XKR9: variants seen among roughly 807,000 people sequenced by gnomAD.
XKR9 encodes XK-related protein 9.
Under a neutral mutation model 32.0 loss-of-function variants are expected in XKR9, and 32 were observed. That is an observed-to-expected ratio of 1.00 (90% CI 0.76 to 1.34). XKR9 has a LOEUF of 1.34. Ranked by LOEUF, XKR9 falls within the 40% of genes most tolerant of loss-of-function variation. The pLI, the probability that XKR9 is intolerant of heterozygous loss-of-function variation, is 0.00. For missense variants in XKR9, 546 were observed against 429.7 expected, an observed-to-expected ratio of 1.27 and a Z score of -2.39; for synonymous variants, 168 against 143.4, an observed-to-expected ratio of 1.17 and a Z score of -1.22.
chr8:70,903,287 G>C, the XKR9 span, among the ~76,000 whole-genome samples: 4 of 152,062 alleles, frequency 2.6e-5, no homozygotes, highest in Admixed American at 1.3e-4. Context: ...TTTTTGGTTG[G>C]TAGGCTACTA....
the XKR9 span, among the ~76,000 whole-genome samples, chr8:70,909,284 T>G: frequency 6.6e-5 from 10 of 152,198 alleles, no homozygotes; most frequent in African/African-American, 2.4e-4. Flanking sequence ...CTATTTATAG[T>G]TCATACCATG....
At chr8:70,943,271 T>C in the XKR9 span, among the ~76,000 whole-genome samples, 1 of 152,168 alleles carries the variant, frequency 6.6e-6, no homozygotes, top group Non-Finnish European at 1.5e-5. Context: ...TCCAAATCCA[T>C]GATTTAACAA....
At chr8:71,016,631 A>G in the XKR9 span, among the ~76,000 whole-genome samples, 1 of 152,234 alleles carries the variant, frequency 6.6e-6, no homozygotes, top group Non-Finnish European at 1.5e-5. Flanking sequence ...AGTTTGACAC[A>G]AAACACAGCT....
At chr8:70,940,819 C>T in the XKR9 span, among the ~76,000 whole-genome samples, 1 of 152,168 alleles carries the variant, frequency 6.6e-6, no homozygotes, top group South Asian at 2.1e-4. Context: ...TACCTTTACC[C>T]ACTTACCTTA....
At chr8:70,791,044 A>G (rs898405166), downstream of XKR9, among the ~76,000 whole-genome samples, 7 of 152,090 alleles carry the variant, frequency 4.6e-5, no homozygotes, top group Non-Finnish European at 1.0e-4. Context: ...TCCTAACACC[A>G]TCACCTTGGG....
the XKR9 span, among the ~76,000 whole-genome samples, chr8:70,970,203 T>C: frequency 2.6e-5 from 4 of 152,232 alleles, no homozygotes; most frequent in African/African-American, 7.2e-5. Flanking sequence ...GTTATAAACA[T>C]GCATATGCAA....
intron 4 of XKR9, among the ~76,000 whole-genome samples, chr8:70,713,867 G>A (rs756215076): frequency 2.0e-5 from 3 of 152,122 alleles, no homozygotes; most frequent in Non-Finnish European, 4.4e-5. Context: ...TATTGTATGT[G>A]TTTGCTTGGG....
At chr8:70,736,286 A>G (rs1806860417), downstream of XKR9, among the ~76,000 whole-genome samples, 1 of 151,016 alleles carries the variant, frequency 6.6e-6, no homozygotes, top group African/African-American at 2.4e-5. Context: ...GTGTCTGTTC[A>G]TGTCCTTCGC....
chr8:70,800,630 C>G, the XKR9 span, among the ~76,000 whole-genome samples: 1 of 152,012 alleles, frequency 6.6e-6, no homozygotes, highest in Admixed American at 6.6e-5. Context: ...GGATTACAGC[C>G]AACTGTCACC....
chr8:70,784,953 AG>A (rs1160534165), intron 2 of XKR9, among the ~76,000 whole-genome samples: 1 of 151,870 alleles, frequency 6.6e-6, no homozygotes, highest in African/African-American at 2.4e-5. Context: ...TACACCTACC[AG>A]GTGATCATAT....
At chr8:70,789,709 C>G (rs974593665) in intron 3 of XKR9, among the ~76,000 whole-genome samples, 2 of 146,952 alleles carry the variant, frequency 1.4e-5, no homozygotes, top group Non-Finnish European at 3.0e-5. Flanking sequence ...TTTTCATGAC[C>G]TATAGTTTTT....
the XKR9 span, among the ~76,000 whole-genome samples, chr8:70,871,850 G>C: frequency 6.6e-6 from 1 of 152,232 alleles, no homozygotes; most frequent in African/African-American, 2.4e-5. Context: ...TAGACTTCTT[G>C]TGCCAAACAT....
chr8:70,767,690 A>G (rs919542896), intron 2 of XKR9, among the ~76,000 whole-genome samples: 2 of 151,256 alleles, frequency 1.3e-5, no homozygotes, highest in Non-Finnish European at 2.9e-5. Context: ...TTTAATAGAG[A>G]TGGGGTTTCG....
rs746989442 is a variant in XKR9, at chr8:70,733,906, A to C, written c.604A>C (p.Lys202Gln). 7.4e-6 allele frequency: 12 copies of C among 1,612,752 alleles called. No individual in the cohort carries two copies. Among genetic ancestry groups the C allele is most frequent in the Admixed American group, 1.7e-5 (1 of 59,840 alleles). The change falls in exon 5 of 5, where the codon AAA becomes CAA. Residue 202 changes from lysine to glutamine, a missense_variant. Lys to Gln is a moderately conservative substitution (Grantham distance 53). Transcript: ENST00000408926. The part of the protein sequence containing the change: ...DKKLLNGLCP[K>Q]ITYLFYKLFT... ...AAAGCTTCTTAATGGATTATGTCCC[A>C]AAATCACATATCTCTTTTACAAGTT...
downstream of XKR9, among the ~76,000 whole-genome samples, chr8:70,737,694 GTCAAAGGCCTTTTCTGCA>G (rs1806890873): frequency 8.4e-6 from 1 of 119,242 alleles, no homozygotes; most frequent in Non-Finnish European, 2.0e-5. Context: ...GTTGAATTTT[GTCAAAGGCCTTTTCTGCA>G]TCTATTGAGA....
chr8:70,834,308 C>T, the XKR9 span, among the ~76,000 whole-genome samples: 1 of 151,946 alleles, frequency 6.6e-6, no homozygotes, highest in South Asian at 2.1e-4. Flanking sequence ...GCATTATATT[C>T]CATTGAAGTA....
chr8:70,761,564 A>G (rs1807309427), intron 2 of XKR9, among the ~76,000 whole-genome samples: 1 of 151,952 alleles, frequency 6.6e-6, no homozygotes, highest in Non-Finnish European at 1.5e-5. Flanking sequence ...TTTCTTGTAA[A>G]TTTGTTTAAG....
intron 3 of XKR9, among the ~76,000 whole-genome samples, chr8:70,691,669 AT>A (rs1425294367): frequency 1.3e-5 from 2 of 151,786 alleles, no homozygotes; most frequent in Admixed American, 6.6e-5. Flanking sequence ...TTGAATAGGG[AT>A]TTTTTTTCCC....
At chr8:70,812,416 A>G in the XKR9 span, among the ~76,000 whole-genome samples, 1 of 152,150 alleles carries the variant, frequency 6.6e-6, no homozygotes, top group South Asian at 2.1e-4. Flanking sequence ...ACTCCTATTC[A>G]ACGTAGTGTT....
Sources: allele counts gnomAD v4.1 joint callset (sites outside exome capture counted in the v4.1 genomes callset), GRCh38; gene constraint gnomAD v4.1.1; transcripts MANE v1.5; gene names NCBI Gene and HGNC (gene_info 2026-07-23, HGNC 2026-07-21).